Variants in MICAL2 observed in about 807,000 individuals in gnomAD.
MICAL2 encodes the protein microtubule associated monooxygenase, calponin and LIM domain containing 2, also known as [F-actin]-monooxygenase MICAL2.
Under a neutral mutation model 127.3 loss-of-function variants are expected in MICAL2, and 77 were observed. The ratio of observed to expected loss-of-function variants is 0.60; its 90% confidence interval spans 0.50 to 0.73. The LOEUF is 0.73. Ranked by LOEUF, MICAL2 falls within the 30% of genes least tolerant of loss-of-function variation. The probability of loss-of-function intolerance (pLI) is 0.00; values close to 1 mark genes in which losing one functional copy is unlikely to be tolerated. For missense variants in MICAL2, 1,351 were observed against 1,434.4 expected, an observed-to-expected ratio of 0.94 and a Z score of 0.94; for synonymous variants, 570 against 551.1, an observed-to-expected ratio of 1.03 and a Z score of -0.48.
chr11:12,251,944 C>T (rs556249406), intron 22 of MICAL2, among the ~76,000 whole-genome samples: 1 of 152,340 alleles, frequency 6.6e-6, no homozygotes, highest in South Asian at 2.1e-4. Flanking sequence ...TCTCTGCTTA[C>T]TCAGGGGAGG....
chr11:12,162,537 C>A, intron 3 of MICAL2, 118 bp downstream of exon 3: 2 of 1,254,044 alleles, frequency 1.6e-6, no homozygotes, highest in Non-Finnish European at 2.2e-6. Flanking sequence ...GTGAATGTTG[C>A]ATTGTTTTCC....
intron 21 of MICAL2, among the ~76,000 whole-genome samples, chr11:12,248,887 T>C (rs770258521): frequency 2.9e-4 from 41 of 140,354 alleles, no homozygotes; most frequent in Non-Finnish European, 5.5e-4. Flanking sequence ...GGGATTTTAA[T>C]TTGCGTAGTG....
chr11:12,189,067 C>G (rs942943127), intron 3 of MICAL2, among the ~76,000 whole-genome samples: 1 of 152,178 alleles, frequency 6.6e-6, no homozygotes, highest in Admixed American at 6.5e-5. Context: ...TCACCATTCT[C>G]CCACTCTGAG....
chr11:12,147,059 A>G (rs1369989347), intron 2 of MICAL2, among the ~76,000 whole-genome samples: 13 of 147,530 alleles, frequency 8.8e-5, no homozygotes, highest in Non-Finnish European at 1.9e-4. Flanking sequence ...GGGGCCTGTT[A>G]TGGGGTGGGG....
At chr11:12,272,104 A>G (rs1029819538), upstream of MICAL2, among the ~76,000 whole-genome samples, 1 of 152,136 alleles carries the variant, frequency 6.6e-6, no homozygotes, top group African/African-American at 2.4e-5. Context: ...TGGAAGGAGG[A>G]AAGAGAAAAG....
intron 32 of MICAL2, among the ~76,000 whole-genome samples, chr11:12,348,438 G>T (rs914424818): frequency 6.6e-6 from 1 of 152,132 alleles, no homozygotes; most frequent in African/African-American, 2.4e-5. Context: ...ATATATAAGG[G>T]ACTTGAGCAC....
intron 2 of MICAL2, among the ~76,000 whole-genome samples, chr11:12,152,297 C>CAAAAAAAAAAAAAAAAAA (rs540812572): frequency 1.6e-4 from 6 of 38,396 alleles, no homozygotes; most frequent in Middle Eastern, 0.026. Flanking sequence ...GACTCTGTCT[C>CAAAAAAAAAAAAAAAAAA]AAAAAAAAAA....
intron 32 of MICAL2, among the ~76,000 whole-genome samples, chr11:12,338,436 C>A (rs1053350993): frequency 4.6e-5 from 7 of 152,040 alleles, no homozygotes; most frequent in East Asian, 1.9e-4. Context: ...TTTTAATTGG[C>A]GCATTTAGCC....
intron 3 of MICAL2, among the ~76,000 whole-genome samples, chr11:12,181,560 A>T (rs565168485): frequency 2.6e-5 from 4 of 152,358 alleles, no homozygotes; most frequent in African/African-American, 9.6e-5. Context: ...AGTCTCTTCA[A>T]TTACAATAAT....
At chr11:12,263,276 C>T (rs1245170730) in intron 27 of MICAL2, 1 of 152,206 alleles carries the variant, frequency 6.6e-6, no homozygotes, top group African/African-American at 2.4e-5. Flanking sequence ...AGCCCCAGGC[C>T]CCTGTGACTC....
intron 3 of MICAL2, among the ~76,000 whole-genome samples, chr11:12,196,599 A>G (rs568294380): frequency 4.1e-4 from 63 of 152,256 alleles, no homozygotes; most frequent in Non-Finnish European, 7.6e-4. Context: ...AAGTAGGTCA[A>G]CTGTTTCAAA....
intron 3 of MICAL2, among the ~76,000 whole-genome samples, chr11:12,203,530 A>G (rs1410351432): frequency 6.6e-6 from 1 of 152,144 alleles, no homozygotes; most frequent in Non-Finnish European, 1.5e-5. Flanking sequence ...GCATCTTTTC[A>G]TGTACTTAGT....
chr11:12,251,500 G>T (rs998823307), intron 22 of MICAL2, among the ~76,000 whole-genome samples: 1 of 147,972 alleles, frequency 6.8e-6, no homozygotes, highest in African/African-American at 2.5e-5. Flanking sequence ...GGTGATTCTG[G>T]AATGCATTTC....
intron 29 of MICAL2, among the ~76,000 whole-genome samples, chr11:12,313,050 C>A (rs888884414): frequency 2.6e-5 from 4 of 151,606 alleles, no homozygotes; most frequent in Admixed American, 2.6e-4. Flanking sequence ...CGCCTGTAGT[C>A]CCGGCTACTG....
At chr11:12,138,694 T>C (rs943833997) in intron 2 of MICAL2, among the ~76,000 whole-genome samples, 28 of 152,286 alleles carry the variant, frequency 1.8e-4, no homozygotes, top group Admixed American at 1.5e-3. Flanking sequence ...ACCTACCGGC[T>C]GTGGGAGCCT....
At chr11:12,336,201 TTC>T (rs1938753863) in intron 32 of MICAL2, among the ~76,000 whole-genome samples, 1 of 152,202 alleles carries the variant, frequency 6.6e-6, no homozygotes, top group South Asian at 2.1e-4. Flanking sequence ...AGGTATTTTA[TTC>T]TCTTTGAGGA....
intron 3 of MICAL2, among the ~76,000 whole-genome samples, chr11:12,193,404 C>T (rs1010876584): frequency 6.6e-6 from 1 of 152,202 alleles, no homozygotes; most frequent in Admixed American, 6.5e-5. Flanking sequence ...GAAGGAATGC[C>T]TGACCTTTTC....
chr11:12,161,341 G>A (rs916996914), intron 2 of MICAL2: 5 of 152,200 alleles, frequency 3.3e-5, no homozygotes, highest in Admixed American at 6.5e-5. Flanking sequence ...CGGAGCACTT[G>A]TTCCAAATAG....
At chr11:12,289,562 TTTTG>T (rs199649937), downstream of MICAL2, among the ~76,000 whole-genome samples, 38,922 of 100,342 alleles carry the variant, frequency 0.39, 4,582 homozygotes, top group Non-Finnish European at 0.48. Context: ...TCTTGTTTTT[TTTTG>T]TTTTTTTTTT....
Sources: allele counts gnomAD v4.1 joint callset (sites outside exome capture counted in the v4.1 genomes callset), GRCh38; gene constraint gnomAD v4.1.1; transcripts MANE v1.5; gene names NCBI Gene and HGNC (gene_info 2026-07-23, HGNC 2026-07-21).